The following MED27 variants were observed in gnomAD, a reference collection of about 807,000 sequenced individuals.
The protein encoded by MED27 is mediator of RNA polymerase II transcription subunit 27.
Under a neutral mutation model 38.2 loss-of-function variants are expected in MED27, and 30 were observed. That is an observed-to-expected ratio of 0.79 (90% CI 0.59 to 1.07). The LOEUF (loss-of-function observed/expected upper bound fraction) is 1.07. MED27 is among the 50% of genes least tolerant of loss of function. The probability of loss-of-function intolerance (pLI) is 0.00; values close to 1 mark genes in which losing one functional copy is unlikely to be tolerated. For missense variants in MED27, 289 were observed against 397.5 expected, an observed-to-expected ratio of 0.73 and a Z score of 2.32; for synonymous variants, 122 against 153.5, an observed-to-expected ratio of 0.79 and a Z score of 1.52.
At chr9:131,980,538 G>C (rs977516838) in intron 3 of MED27, among the ~76,000 whole-genome samples, 1 of 152,108 alleles carries the variant, frequency 6.6e-6, no homozygotes, top group Non-Finnish European at 1.5e-5. Context: ...AGGGCAAAAA[G>C]GTAAGGGGTA....
intron 6 of MED27, 139 bp from the exon 7 acceptor site, chr9:131,863,279 G>T: frequency 1.4e-6 from 1 of 699,328 alleles, no homozygotes; most frequent in Non-Finnish European, 2.4e-6. Flanking sequence ...TAAAATCTCT[G>T]TAGAAAAATT....
At chr9:131,895,273 G>T (rs1357448741) in intron 4 of MED27, among the ~76,000 whole-genome samples, 1 of 152,162 alleles carries the variant, frequency 6.6e-6, no homozygotes, top group Non-Finnish European at 1.5e-5. Context: ...CCCAGCCTGG[G>T]ACCCACCCGC....
At position 131,889,837 on chromosome 9, in the gene MED27, C is replaced by G. The variant is rs1839199550; in HGVS notation, c.681+4048G>C. ...AGAAGTTAAGCCCATAGGAGGCTTC[C>G]TGAGCCACACCCAGGGCCTCTGTGG... On this transcript the variant is annotated intron_variant, in intron 5 of 7. Coordinates refer to ENST00000292035, the MANE Select transcript of MED27 (RefSeq NM_004269.4). The surrounding 1 kb of genome is among the most constrained non-coding windows in gnomAD (Gnocchi z 4.2). Among the ~76,000 whole-genome samples, 1 of 152,188 alleles carries G rather than the reference C, an allele frequency of 6.6e-6. No homozygotes were observed. The highest frequency in any genetic ancestry group is 1.5e-5 in the Non-Finnish European group (1 of 68,032).
intron 2 of MED27, among the ~76,000 whole-genome samples, chr9:132,042,660 T>G (rs1189678103): frequency 6.6e-6 from 1 of 152,236 alleles, no homozygotes; most frequent in Non-Finnish European, 1.5e-5. Flanking sequence ...TGGACCCTGC[T>G]GCACACACCA....
intron 3 of MED27, among the ~76,000 whole-genome samples, chr9:131,990,433 C>T (rs1027456574): frequency 5.3e-5 from 8 of 152,206 alleles, no homozygotes; most frequent in African/African-American, 1.7e-4. Context: ...TTTACATGTT[C>T]ACAAAAACTA....
chr9:132,053,247 C>T (rs1283385277), intron 2 of MED27, among the ~76,000 whole-genome samples: 2 of 148,784 alleles, frequency 1.3e-5, no homozygotes, highest in Non-Finnish European at 3.0e-5. Context: ...AGCGAGACTC[C>T]CGTCTCAAAA....
intron 2 of MED27, among the ~76,000 whole-genome samples, chr9:132,076,039 T>A (rs1050084905): frequency 1.3e-5 from 2 of 152,190 alleles, no homozygotes; most frequent in Admixed American, 1.3e-4. Context: ...GAGCCTGACA[T>A]GGACACTGGG....
chr9:131,907,634 C>T (rs9411417), intron 4 of MED27, among the ~76,000 whole-genome samples: 105,875 of 150,792 alleles, frequency 0.7, 38,744 homozygotes, highest in Non-Finnish European at 0.82. Context: ...TCTGCCCGGC[C>T]GCCACCCCGT....
intron 3 of MED27, among the ~76,000 whole-genome samples, chr9:131,956,849 C>CT (rs1397529122): frequency 6.6e-6 from 1 of 151,348 alleles, no homozygotes; most frequent in Non-Finnish European, 1.5e-5. Context: ...CACATACACA[C>CT]TTTCAGCAGA....
chr9:131,945,038 C>G (rs1356831925), intron 3 of MED27, among the ~76,000 whole-genome samples: 1 of 148,238 alleles, frequency 6.7e-6, no homozygotes, highest in South Asian at 2.1e-4. Flanking sequence ...GAATGGTTAA[C>G]TTTCATTTTT....
chr9:131,907,435 G>A (rs569714766), intron 4 of MED27, among the ~76,000 whole-genome samples: 2 of 152,200 alleles, frequency 1.3e-5, no homozygotes, highest in Admixed American at 1.3e-4. Context: ...GGCCGGGCTG[G>A]TCTCCATCTC....
intron 3 of MED27, among the ~76,000 whole-genome samples, chr9:132,002,918 C>A (rs1301647139): frequency 1.6e-3 from 162 of 100,838 alleles, no homozygotes; most frequent in East Asian, 2.0e-3. Flanking sequence ...GACTCTGTCT[C>A]AAAAAAAAAA....
At chr9:132,037,823 T>G (rs1238341188) in intron 2 of MED27, among the ~76,000 whole-genome samples, 1 of 152,130 alleles carries the variant, frequency 6.6e-6, no homozygotes. Flanking sequence ...CACATGAGCT[T>G]TGGCTGACAC....
At chr9:131,895,545 A>G (rs544845999) in intron 4 of MED27, among the ~76,000 whole-genome samples, 1 of 152,290 alleles carries the variant, frequency 6.6e-6, no homozygotes, top group East Asian at 1.9e-4. Context: ...AACACCCCCA[A>G]CGTTTGATTC....
At chr9:132,010,937 C>T (rs574142273) in intron 3 of MED27, among the ~76,000 whole-genome samples, 136 of 152,190 alleles carry the variant, frequency 8.9e-4, no homozygotes, top group African/African-American at 3.2e-3. Flanking sequence ...ATGTAAATGA[C>T]GAGTTAATGG....
At chr9:132,028,262 G>A (rs908255384) in intron 2 of MED27, among the ~76,000 whole-genome samples, 1 of 152,158 alleles carries the variant, frequency 6.6e-6, no homozygotes. Flanking sequence ...CCGCCTAAAG[G>A]AGCTGGGGGT....
chr9:131,976,065 T>C (rs1831599207), intron 3 of MED27, among the ~76,000 whole-genome samples: 1 of 152,100 alleles, frequency 6.6e-6, no homozygotes, highest in African/African-American at 2.4e-5. Context: ...CGAAGGGCTG[T>C]AAGGGCACAG....
chr9:132,055,535 G>T (rs150318222), intron 2 of MED27, among the ~76,000 whole-genome samples: 2 of 152,166 alleles, frequency 1.3e-5, no homozygotes, highest in African/African-American at 4.8e-5. Flanking sequence ...CAGCAAAGAC[G>T]ATTAGATCAA....
intron 4 of MED27, among the ~76,000 whole-genome samples, chr9:131,937,945 A>G (rs944814197): frequency 2.0e-5 from 3 of 152,076 alleles, no homozygotes; most frequent in Non-Finnish European, 4.4e-5. Context: ...CTGTAGACAG[A>G]TGTATTTTAT....
Sources: allele counts gnomAD v4.1 joint callset (sites outside exome capture counted in the v4.1 genomes callset), GRCh38; gene constraint gnomAD v4.1.1; non-coding constraint Gnocchi (gnomAD v3.1); transcripts MANE v1.5; gene names NCBI Gene and HGNC (gene_info 2026-07-23, HGNC 2026-07-21).